CACNA2D4: variants seen among roughly 807,000 people sequenced by gnomAD.
The protein encoded by CACNA2D4 is calcium voltage-gated channel auxiliary subunit alpha2delta 4, also known as voltage-dependent calcium channel subunit alpha-2/delta-4.
Under a neutral mutation model 163.8 loss-of-function variants are expected in CACNA2D4, and 157 were observed. The ratio of observed to expected loss-of-function variants is 0.96; its 90% CI spans 0.84 to 1.09. The LOEUF (loss-of-function observed/expected upper bound fraction) is 1.09. Among genes scored for constraint, CACNA2D4 ranks in the 50% least tolerant of loss-of-function variants. CACNA2D4 has a pLI of 0.00. For missense variants in CACNA2D4, 1,410 were observed against 1,479.9 expected (o/e 0.95, Z 0.78); for synonymous variants, 598 against 586.9 (o/e 1.02, Z -0.27).
chr12:1,906,746 T>G (rs751286403), intron 6 of CACNA2D4, among the ~76,000 whole-genome samples: 47 of 152,344 alleles, frequency 3.1e-4, no homozygotes, highest in Non-Finnish European at 5.9e-4. Context: ...ATGCCAACTA[T>G]GGGAACTGCA....
chr12:1,872,411 C>T (rs968786117), intron 18 of CACNA2D4, among the ~76,000 whole-genome samples: 3 of 152,208 alleles, frequency 2.0e-5, no homozygotes, highest in Admixed American at 1.3e-4. Flanking sequence ...ACACGGCAGG[C>T]GGTCCTGTAC....
intron 26 of CACNA2D4, among the ~76,000 whole-genome samples, chr12:1,814,302 A>T (rs1262275122): frequency 6.6e-6 from 1 of 151,616 alleles, no homozygotes; most frequent in Non-Finnish European, 1.5e-5. Context: ...AAATGGGGGG[A>T]GCAGGGCACA....
In CACNA2D4 at chr12:1,801,618, A is replaced by T. The variant is rs1217554508; in HGVS notation, c.2748T>A (p.Asp916Glu). Residue 916 changes from aspartate to glutamate, a missense_variant, in exon 30 of 38, where the codon GAT becomes GAA. By Grantham distance (45) the Asp-to-Glu change is conservative. Coordinates refer to ENST00000382722, the MANE Select transcript of CACNA2D4 (RefSeq NM_172364.5). ...RETGRFLGEV[D>E]GAVLTQLLSM... is the part of the protein sequence containing the mutation. ...TGAGCAGCTGGGTCAGGACAGCACC[A>T]TCCACCTCCCCCAGAAATCTTCCCG... is the stretch of plus-strand genomic sequence containing the variant. The T allele has an allele frequency of 6.3e-7, 1 of 1,589,026 alleles. No homozygotes were observed. Among genetic ancestry groups the T allele is most frequent in the African/African-American group, 1.3e-5 (1 of 74,396 alleles).
intron 18 of CACNA2D4, among the ~76,000 whole-genome samples, chr12:1,872,207 C>A (rs139334202): frequency 3.1e-4 from 47 of 152,312 alleles, no homozygotes; most frequent in Non-Finnish European, 6.0e-4. Context: ...CCGTCTCCTG[C>A]AGATGGTGTG....
rs769299567 is a variant in CACNA2D4, at chr12:1,834,689, G to C, written c.2551+6050C>G. 1.1e-5 allele frequency: 18 copies of C among 1,601,732 alleles called. No homozygotes were observed. The highest frequency in any genetic ancestry group is 3.3e-4 in the Middle Eastern group (2 of 6,080). ...GATGGGGGACCCCGAGGGCGAGCAC[G>C]AGGACCAGAAGCAGATCTCTTCTGT... On this transcript the variant is annotated intron_variant, in intron 26 of 37. Transcript: ENST00000382722. The surrounding 1 kb of genome is among the most constrained non-coding windows in gnomAD (Gnocchi z 7.6).
chr12:1,911,877 C>T (rs920782368), intron 3 of CACNA2D4, among the ~76,000 whole-genome samples: 5 of 152,198 alleles, frequency 3.3e-5, no homozygotes, highest in South Asian at 4.1e-4. Context: ...GGTGTTACTG[C>T]GGGTGCCAGG....
intron 29 of CACNA2D4, among the ~76,000 whole-genome samples, chr12:1,805,637 G>T (rs1341244778): frequency 6.6e-6 from 1 of 152,228 alleles, no homozygotes; most frequent in Non-Finnish European, 1.5e-5. Context: ...GAGGAGCGGG[G>T]TGGGGGTGGG....
chr12:1,891,854 CAGGTCTT>C (rs1382307136), intron 6 of CACNA2D4, among the ~76,000 whole-genome samples: 2 of 151,830 alleles, frequency 1.3e-5, no homozygotes, highest in East Asian at 3.9e-4. Flanking sequence ...AACTCGAAGA[CAGGTCTT>C]TTGAAATAAC....
At position 1,828,235 on chromosome 12, in the gene CACNA2D4, C is replaced by T. The variant is rs528018740; in HGVS notation, c.2551+12504G>A. ...TCTCCTGTGAGTACACCCCTGGCCTCGGAGGGGGGTGCGGGTTGGGTGGGG... is the reference window on the plus strand; with the variant it reads ...TCTCCTGTGAGTACACCCCTGGCCTTGGAGGGGGGTGCGGGTTGGGTGGGG... On this transcript the variant is annotated intron_variant, in intron 26 of 37. Coordinates refer to ENST00000382722, the MANE Select transcript of CACNA2D4 (RefSeq NM_172364.5). This position sits in a 1 kb window ranked among gnomAD's most constrained non-coding sequence, Gnocchi z 4.2. 571 of 1,495,052 alleles carry T rather than the reference C, an allele frequency of 3.8e-4. 2 individuals carry two copies. In the East Asian group the frequency reaches 9.2e-3, roughly 24 times the overall value. 92.6% of individuals were successfully genotyped at this position (1,495,052 alleles called of 1,614,324 possible).
intron 29 of CACNA2D4, 48 bp downstream of exon 29, chr12:1,810,230 G>T: frequency 6.6e-7 from 1 of 1,511,034 alleles, no homozygotes; most frequent in Non-Finnish European, 9.2e-7. Context: ...AATGTCTCCA[G>T]TCCTCCTGCC....
rs763628576 is a variant in CACNA2D4, at chr12:1,909,901, C to T, written c.486+5G>A. 6.2e-7 allele frequency: 1 copy of T among 1,613,374 alleles called. No individual in the cohort carries two copies. The highest frequency in any genetic ancestry group is 1.3e-5 in the African/African-American group (1 of 75,048). On this transcript the variant is annotated splice_donor_5th_base_variant and intron_variant, in intron 4 of 37. Transcript: ENST00000382722. ...TCTGGCACCAGTGCCAGGAGTGGGACTCACCACCAGGGATTCATTGAATTC... is the reference window on the plus strand; with the variant it reads ...TCTGGCACCAGTGCCAGGAGTGGGATTCACCACCAGGGATTCATTGAATTC...
intron 26 of CACNA2D4, among the ~76,000 whole-genome samples, chr12:1,825,690 G>A (rs1864285058): frequency 6.6e-6 from 1 of 152,218 alleles, no homozygotes. Context: ...CACGTGCTGT[G>A]TACAGAGCTC....
chr12:1,797,242 C>T (rs1223936290), intron 35 of CACNA2D4, among the ~76,000 whole-genome samples, 176 bp downstream of exon 35: 3 of 152,256 alleles, frequency 2.0e-5, no homozygotes, highest in Non-Finnish European at 4.4e-5. Context: ...CTGCGTGTCT[C>T]CTCCACTGAG....
chr12:1,901,233 T>C (rs776671853), intron 6 of CACNA2D4, among the ~76,000 whole-genome samples: 10 of 152,056 alleles, frequency 6.6e-5, no homozygotes, highest in Non-Finnish European at 1.3e-4. Context: ...GCTTTACGTG[T>C]CTACATCAAG....
chr12:1,823,508 C>T (rs1188550168), intron 26 of CACNA2D4, among the ~76,000 whole-genome samples: 4 of 152,242 alleles, frequency 2.6e-5, no homozygotes, highest in African/African-American at 9.6e-5. Flanking sequence ...ACAGCCCACT[C>T]AGCTCCGCAT....
chr12:1,839,003 C>T (rs536956840), intron 26 of CACNA2D4, among the ~76,000 whole-genome samples: 34 of 152,318 alleles, frequency 2.2e-4, no homozygotes, highest in African/African-American at 7.7e-4. Flanking sequence ...GGGCTTCTAC[C>T]CGGGCAATTT....
chr12:1,886,223 C>T lies in CACNA2D4; in HGVS notation c.993G>A (p.Ala331=), dbSNP rs775365422. 37 of 1,612,414 alleles carry T rather than the reference C, an allele frequency of 2.3e-5. No individual in the cohort carries two copies. The South Asian group carries it at 2.7e-4, about 12-fold the overall frequency. The part of the protein sequence containing the change: ...LGENDFINII[A]YNDYVHYIEP... Reference sequence around the variant, plus strand: ...TTCTAGAACAGGAAGGCACATTTACCGCTATGATATTAATGAAGTCATTCT... The same window carrying T: ...TTCTAGAACAGGAAGGCACATTTACTGCTATGATATTAATGAAGTCATTCT... The change falls in exon 8 of 38, where the codon GCG becomes GCA. Residue 331 remains alanine (A), a splice_region_variant and synonymous_variant. Transcript: ENST00000382722.
chr12:1,810,929 G>A (rs1476175103), intron 27 of CACNA2D4, among the ~76,000 whole-genome samples: 1 of 152,222 alleles, frequency 6.6e-6, no homozygotes, highest in East Asian at 1.9e-4. Context: ...TGGTGGAAGG[G>A]CCCAGGTAGC....
At chr12:1,914,196 G>T (rs553381842) in intron 2 of CACNA2D4, among the ~76,000 whole-genome samples, 10 of 152,336 alleles carry the variant, frequency 6.6e-5, no homozygotes, top group East Asian at 5.8e-4. Context: ...CTCATGAATT[G>T]GTGGTGGGAA....
Sources: gnomAD v4.1 joint callset for allele counts (sites outside exome capture counted in the v4.1 genomes callset) on GRCh38, gnomAD v4.1.1 for gene constraint, Gnocchi (gnomAD v3.1) non-coding constraint, MANE v1.5 for transcripts, NCBI Gene and HGNC (gene_info 2026-07-23, HGNC 2026-07-21) for gene names.